The following SETDB2 variants were observed in gnomAD, a reference collection of about 807,000 sequenced individuals.
SETDB2 encodes the protein histone-lysine N-methyltransferase SETDB2.
In SETDB2, 56 loss-of-function variants were observed where a neutral mutation model predicts 82.5. The observed-to-expected ratio is 0.68, with a 90% CI of 0.55 to 0.85. The LOEUF (loss-of-function observed/expected upper bound fraction) is 0.85. Ranked by LOEUF, SETDB2 falls within the 40% of genes least tolerant of loss-of-function variation. SETDB2 has a pLI of 0.00. For missense variants in SETDB2, 677 were observed against 816.4 expected (o/e 0.83, Z 2.08); for synonymous variants, 272 against 284.9 (o/e 0.95, Z 0.46).
At chr13:49,485,571 A>G in intron 10 of SETDB2, 59 bp from the exon 11 acceptor site, 1 of 1,359,232 alleles carries the variant, frequency 7.4e-7, no homozygotes, top group South Asian at 1.2e-5. Flanking sequence ...AAAGAGGCCT[A>G]ACTGCTAAAT....
At chr13:49,478,098 A>G (rs1304898041) in intron 6 of SETDB2, among the ~76,000 whole-genome samples, 1 of 152,226 alleles carries the variant, frequency 6.6e-6, no homozygotes, top group Non-Finnish European at 1.5e-5. Context: ...TAAATAGTAT[A>G]ATAATAGTTT....
At chr13:49,456,799 T>A (rs990835732) in intron 2 of SETDB2, among the ~76,000 whole-genome samples, 13 of 152,218 alleles carry the variant, frequency 8.5e-5, no homozygotes, top group South Asian at 2.1e-4. Flanking sequence ...TAACTGGATC[T>A]ATTAGTTTCA....
At chr13:49,457,763 T>C (rs922019924) in intron 2 of SETDB2, among the ~76,000 whole-genome samples, 3 of 152,192 alleles carry the variant, frequency 2.0e-5, no homozygotes, top group African/African-American at 7.2e-5. Context: ...CAAAAATTCA[T>C]TGAGTCTTGA....
intron 2 of SETDB2, among the ~76,000 whole-genome samples, chr13:49,453,118 G>A (rs769825501): frequency 6.6e-6 from 1 of 152,182 alleles, no homozygotes; most frequent in South Asian, 2.1e-4. Flanking sequence ...TATTTCTGCA[G>A]GGGAGATTTA....
At chr13:49,469,941 A>G (rs1435732964) in intron 5 of SETDB2, among the ~76,000 whole-genome samples, 1 of 152,044 alleles carries the variant, frequency 6.6e-6, no homozygotes, top group Admixed American at 6.6e-5. Context: ...TTTTTCTCCT[A>G]ACAGATTATT....
chr13:49,481,160 A>G lies in SETDB2; in HGVS notation c.1156+44A>G. ...TTCAAATTATTCTAGAGTAGAATCC[A>G]CTTTTCTAAATATCCATTTTCCTAG... On this transcript the variant is annotated intron_variant, in intron 8 of 13. Coordinates refer to ENST00000611815, the MANE Select transcript of SETDB2 (RefSeq NM_001160308.3). The G allele has an allele frequency of 1.9e-6, 3 of 1,568,384 alleles. 1 individual carries two copies. The highest frequency in any genetic ancestry group is 2.3e-5 in the South Asian group (2 of 87,032).
intron 6 of SETDB2, among the ~76,000 whole-genome samples, chr13:49,478,800 C>CT (rs1177786123): frequency 1.3e-5 from 2 of 152,032 alleles, no homozygotes; most frequent in African/African-American, 4.8e-5. Flanking sequence ...GTGGGACGCC[C>CT]TTGTAGTCCC....
rs544662981 is a variant in SETDB2, at chr13:49,470,968, T to TTC, written c.305+3009_305+3010insCT. Reference sequence around the variant, plus strand: ...TTTTTTGTTTTCTTTCTTTCTTTCTTTTTTTTTTTTTTTTTTGAGACAGCA... The same window carrying TTC: ...TTTTTTGTTTTCTTTCTTTCTTTCTTTCTTTTTTTTTTTTTTTTGAGACAGCA... On this transcript the variant is annotated intron_variant, in intron 5 of 13. Coordinates refer to ENST00000611815, the MANE Select transcript of SETDB2 (RefSeq NM_001160308.3). 7.4e-3 allele frequency among the ~76,000 whole-genome samples: 903 copies of TTC among 122,218 alleles called. 4 individuals carry two copies. The highest frequency in any genetic ancestry group is 0.019 in the South Asian group (69 of 3,600). 80.2% of individuals were successfully genotyped at this position (122,218 alleles called of 152,430 possible). A position where few individuals can be genotyped will look rare whatever the true frequency, so the allele number is the denominator to read the frequency against.
chr13:49,489,059 G>A (rs1035135120), intron 12 of SETDB2: 3 of 155,934 alleles, frequency 1.9e-5, no homozygotes, highest in African/African-American at 7.2e-5. Context: ...GAATACTGCA[G>A]GGATTTAATG....
chr13:49,471,271 C>T (rs1173646141), intron 5 of SETDB2, among the ~76,000 whole-genome samples: 1 of 152,004 alleles, frequency 6.6e-6, no homozygotes, highest in Non-Finnish European at 1.5e-5. Context: ...GCCACCACAC[C>T]CAGCCAGTAT....
intron 2 of SETDB2, among the ~76,000 whole-genome samples, chr13:49,453,369 T>C (rs1253403099): frequency 1.3e-5 from 2 of 151,938 alleles, no homozygotes; most frequent in African/African-American, 4.8e-5. Context: ...CAATCTTGGC[T>C]CACTGCAACC....
intron 5 of SETDB2, among the ~76,000 whole-genome samples, chr13:49,475,212 A>G (rs1250447605): frequency 6.6e-6 from 1 of 152,126 alleles, no homozygotes; most frequent in African/African-American, 2.4e-5. Flanking sequence ...AGATCTCGTG[A>G]GACTTATTCA....
chr13:49,463,911 C>G (rs908145103), intron 4 of SETDB2: 2 of 673,232 alleles, frequency 3.0e-6, no homozygotes, highest in African/African-American at 3.6e-5. Context: ...AAGACTTTTT[C>G]TGGGTCTGGG....
Position 49,476,892 on chromosome 13 carries a change from T to A in SETDB2, c.722T>A (p.Val241Glu). ...GATATTAGCAATGGAGTGGAATCAGTGCCCATTTCTTTCTGTAATGAAATT... is the reference window on the plus strand; with the variant it reads ...GATATTAGCAATGGAGTGGAATCAGAGCCCATTTCTTTCTGTAATGAAATT... Reference protein sequence around the residue: ...DVDISNGVESVPISFCNEIDS... With the variant: ...DVDISNGVESEPISFCNEIDS... Residue 241 changes from valine (V) to glutamate (E), a missense_variant, in exon 6 of 14, where the codon GTG (valine) becomes GAG (glutamate). Val to Glu is a moderately radical substitution (Grantham distance 121). Coordinates refer to ENST00000611815, the MANE Select transcript of SETDB2 (RefSeq NM_001160308.3). 1 of 1,614,224 alleles carries A rather than the reference T, an allele frequency of 6.2e-7. No individual in the cohort carries two copies. Among genetic ancestry groups the A allele is most frequent in the Non-Finnish European group, 8.5e-7 (1 of 1,180,040 alleles).
intron 1 of SETDB2, chr13:49,445,758 G>A (rs1957665268): frequency 6.6e-6 from 1 of 151,604 alleles, no homozygotes; most frequent in Non-Finnish European, 1.5e-5. Context: ...GTGAAACCCC[G>A]TCTCCACTAA....
intron 4 of SETDB2, 61 bp from the exon 5 acceptor site, chr13:49,467,803 T>C: frequency 1.6e-6 from 2 of 1,249,730 alleles, no homozygotes; most frequent in Non-Finnish European, 1.1e-6. Flanking sequence ...ATTACTTGGG[T>C]ACTTATAGCA....
At chr13:49,468,030 AT>A in intron 5 of SETDB2, 70 bp downstream of exon 5, 3 of 1,075,334 alleles carry the variant, frequency 2.8e-6, no homozygotes, top group Non-Finnish European at 2.6e-6. Flanking sequence ...ATCACTTGAC[AT>A]TAGAATAGAT....
chr13:49,478,320 C>T (rs1383219666), intron 6 of SETDB2, among the ~76,000 whole-genome samples: 2 of 152,174 alleles, frequency 1.3e-5, no homozygotes, highest in Non-Finnish European at 2.9e-5. Flanking sequence ...GGAATAGAAA[C>T]AGGTACCTGC....
In SETDB2 at chr13:49,483,563, G is replaced by C; in HGVS notation, c.1482G>C (p.Met494Ile). The change falls in exon 10 of 14, where the codon ATG (methionine) becomes ATC (isoleucine). Residue 494 changes from methionine (M) to isoleucine (I), a missense_variant and splice_region_variant. By Grantham distance (10) the Met-to-Ile change is conservative. Around this residue, in one of 3 missense-constraint regions of SETDB2, gnomAD observed 420 missense variants for 554.6 expected, o/e 0.76. Transcript: ENST00000611815. ...TAIFQHNGKK[M>I]EFVSSESVTP... ...TTTTTCAACACAATGGGAAAAAAAT[G>C]GTAAAAAATGCAAAATGTAGTTGGG... 7.5e-7 allele frequency: 1 copy of C among 1,326,868 alleles called. No individual in the cohort carries two copies. The highest frequency in any genetic ancestry group is 2.5e-5 in the Admixed American group (1 of 40,632). 82.2% of individuals were successfully genotyped at this position (1,326,868 alleles called of 1,614,324 possible).
Sources: allele counts gnomAD v4.1 joint callset (sites outside exome capture counted in the v4.1 genomes callset), GRCh38; gene constraint gnomAD v4.1.1; regional missense constraint gnomAD v4.1.1; transcripts MANE v1.5; gene names NCBI Gene and HGNC (gene_info 2026-07-23, HGNC 2026-07-21).